The following EYS variants were observed in gnomAD, a reference collection of about 807,000 sequenced individuals.
EYS encodes EGF-like photoreceptor maintenance factor.
EYS carries 250 observed loss-of-function variants against 282.1 expected under a neutral mutation model. The ratio of observed to expected loss-of-function variants is 0.89; its 90% CI spans 0.80 to 0.98. The LOEUF (loss-of-function observed/expected upper bound fraction) is 0.98. EYS is among the 50% of genes least tolerant of loss of function. EYS has a pLI of 0.00. For missense variants in EYS, 4,016 were observed against 3,709.0 expected (o/e 1.08, Z -2.15); for synonymous variants, 1,355 against 1,282.9 (o/e 1.06, Z -1.20).
At chr6:63,979,565 G>A (rs1019130503) in intron 35 of EYS, among the ~76,000 whole-genome samples, 2 of 151,862 alleles carry the variant, frequency 1.3e-5, no homozygotes, top group African/African-American at 4.8e-5. Context: ...TGGTTGTATA[G>A]GGTATATTCC....
intron 12 of EYS, among the ~76,000 whole-genome samples, chr6:65,201,319 T>G (rs2150246065): frequency 6.6e-6 from 1 of 152,338 alleles, no homozygotes; most frequent in East Asian, 1.9e-4. Flanking sequence ...TTCTAAATGC[T>G]TTGTCTTTTA....
At chr6:63,887,677 C>T (rs1370688051) in intron 35 of EYS, among the ~76,000 whole-genome samples, 1 of 152,166 alleles carries the variant, frequency 6.6e-6, no homozygotes, top group Non-Finnish European at 1.5e-5. Flanking sequence ...TGGGAGATTC[C>T]CTCGGGTGCC....
chr6:63,865,285 T>C (rs1772645202), intron 35 of EYS, among the ~76,000 whole-genome samples: 1 of 152,218 alleles, frequency 6.6e-6, no homozygotes, highest in Non-Finnish European at 1.5e-5. Context: ...AAATAGCTAA[T>C]ACTTAGCAAT....
At chr6:64,173,964 T>C (rs965812167) in intron 31 of EYS, among the ~76,000 whole-genome samples, 2 of 152,174 alleles carry the variant, frequency 1.3e-5, no homozygotes, top group African/African-American at 4.8e-5. Flanking sequence ...GTGGTTTATA[T>C]ATATGATGAA....
intron 13 of EYS, among the ~76,000 whole-genome samples, chr6:65,016,508 G>T (rs12204053): frequency 0.35 from 53,629 of 152,102 alleles, 11,569 homozygotes; most frequent in Admixed American, 0.49. Context: ...CAAAAATTCA[G>T]ATATTTAGAG....
In EYS at chr6:65,181,552, G is replaced by A. The variant is rs191916369; in HGVS notation, c.2023+114311C>T. ...AGAATGGCAATCATTAAAAAGTCAG[G>A]AAACAACAGGTGCTGGAGAGGATAT... On this transcript the variant is annotated intron_variant, in intron 12 of 42. Coordinates refer to ENST00000503581, the MANE Select transcript of EYS (RefSeq NM_001142800.2). Among the ~76,000 whole-genome samples the A allele has an allele frequency of 5.1e-3, 783 of 152,164 alleles. 8 individuals carry two copies. Among genetic ancestry groups the A allele is most frequent in the African/African-American group, 0.018 (752 of 41,514 alleles).
At chr6:63,998,673 A>G (rs1767943574) in intron 34 of EYS, among the ~76,000 whole-genome samples, 1 of 152,180 alleles carries the variant, frequency 6.6e-6, no homozygotes, top group South Asian at 2.1e-4. Flanking sequence ...TGGCCAATGC[A>G]AATCTGGAAG....
intron 40 of EYS, among the ~76,000 whole-genome samples, chr6:63,772,985 A>C (rs570902014): frequency 6.6e-6 from 1 of 151,738 alleles, no homozygotes; most frequent in Non-Finnish European, 1.5e-5. Context: ...CTTTACCCTG[A>C]TTTTTTTCAC....
chr6:64,449,525 G>A (rs1305034107), intron 26 of EYS, among the ~76,000 whole-genome samples: 3 of 152,060 alleles, frequency 2.0e-5, no homozygotes, highest in African/African-American at 4.8e-5. Flanking sequence ...GATACTCCTC[G>A]AGAAGAGCAA....
intron 22 of EYS, among the ~76,000 whole-genome samples, chr6:64,668,748 A>C (rs1769330165): frequency 6.6e-6 from 1 of 150,518 alleles, no homozygotes; most frequent in Non-Finnish European, 1.5e-5. Context: ...GTATTTTTTT[A>C]AGTAGAGACG....
chr6:64,472,550 C>T (rs960337458), intron 26 of EYS, among the ~76,000 whole-genome samples: 1 of 152,004 alleles, frequency 6.6e-6, no homozygotes, highest in African/African-American at 2.4e-5. Context: ...CTGAGAAACA[C>T]AAAATATAAC....
At chr6:65,122,541 T>A (rs563339384) in intron 12 of EYS, among the ~76,000 whole-genome samples, 1 of 152,116 alleles carries the variant, frequency 6.6e-6, no homozygotes, top group Non-Finnish European at 1.5e-5. Flanking sequence ...TTGAAATTCG[T>A]ACTGTTTATC....
intron 12 of EYS, among the ~76,000 whole-genome samples, chr6:65,292,010 A>G (rs1005337666): frequency 2.0e-5 from 3 of 151,650 alleles, no homozygotes; most frequent in African/African-American, 7.3e-5. Context: ...GAGAGACAGA[A>G]TATACTGGGA....
intron 22 of EYS, among the ~76,000 whole-genome samples, chr6:64,699,803 C>A (rs188989238): frequency 6.6e-6 from 1 of 152,130 alleles, no homozygotes; most frequent in East Asian, 1.9e-4. Flanking sequence ...AGAAACTCTT[C>A]AAGAAATTCG....
chr6:64,819,295 A>G (rs1441066616), intron 21 of EYS, among the ~76,000 whole-genome samples: 1 of 152,168 alleles, frequency 6.6e-6, no homozygotes. Flanking sequence ...GATTTACAGA[A>G]TGAATGAGCA....
intron 33 of EYS, among the ~76,000 whole-genome samples, chr6:64,042,509 T>C (rs778922812): frequency 2.6e-4 from 39 of 152,202 alleles, no homozygotes; most frequent in Non-Finnish European, 5.0e-4. Flanking sequence ...GTTTCTCCAC[T>C]GTGTTCGGAA....
rs1774014232 is a variant in EYS at position 64,786,211 on chromosome 6, T to G, written c.3443+27167A>C. On this transcript the variant is annotated intron_variant, in intron 22 of 42. Coordinates refer to ENST00000503581, the MANE Select transcript of EYS (RefSeq NM_001142800.2). ...ACATTTTTTTTTTTTTTTTTGGTTT[T>G]AAGAAGCAGAGGGTTTAATAGGCAA... Among the ~76,000 whole-genome samples the G allele has an allele frequency of 2.0e-5, 3 of 150,398 alleles. No individual in the cohort carries two copies. In the South Asian group the frequency reaches 6.3e-4, roughly 32 times the overall value.
chr6:64,589,132 C>T (rs1275708345), intron 26 of EYS, among the ~76,000 whole-genome samples: 2 of 151,806 alleles, frequency 1.3e-5, no homozygotes, highest in Non-Finnish European at 2.9e-5. Flanking sequence ...ACAGATAAAC[C>T]ACAAGCTATC....
At chr6:65,227,008 G>A (rs1403365713) in intron 12 of EYS, among the ~76,000 whole-genome samples, 1 of 152,168 alleles carries the variant, frequency 6.6e-6, no homozygotes, top group African/African-American at 2.4e-5. Context: ...GCCGAGGCCT[G>A]TGGATCACCT....
Sources: gnomAD v4.1 joint callset for allele counts (sites outside exome capture counted in the v4.1 genomes callset) on GRCh38, gnomAD v4.1.1 for gene constraint, MANE v1.5 for transcripts, NCBI Gene and HGNC (gene_info 2026-07-23, HGNC 2026-07-21) for gene names.